Variants in IPCEF1 observed in about 807,000 individuals in gnomAD.
The protein encoded by IPCEF1 is interaction protein for cytohesin exchange factors 1.
IPCEF1 carries 31 observed loss-of-function variants against 50.9 expected under a neutral mutation model. The observed-to-expected ratio is 0.61, with a 90% CI of 0.46 to 0.82. The LOEUF (loss-of-function observed/expected upper bound fraction) is 0.82, where lower values mean the gene tolerates loss of function less well. IPCEF1 is among the 40% of genes least tolerant of loss of function. The pLI is 0.00. For missense variants in IPCEF1, 458 were observed against 514.0 expected, an observed-to-expected ratio of 0.89 and a Z score of 1.05; for synonymous variants, 181 against 192.0, an observed-to-expected ratio of 0.94 and a Z score of 0.47.
intron 10 of IPCEF1, among the ~76,000 whole-genome samples, chr6:154,195,713 T>C (rs986828750): frequency 1.3e-5 from 2 of 152,202 alleles, no homozygotes; most frequent in African/African-American, 4.8e-5. Context: ...TGCTTTCTTT[T>C]GTTAAATGTG....
chr6:154,307,029 G>A (rs977664282), intron 1 of IPCEF1, among the ~76,000 whole-genome samples: 1 of 152,136 alleles, frequency 6.6e-6, no homozygotes, highest in African/African-American at 2.4e-5. Flanking sequence ...TCTGAGGCCA[G>A]AGTCTGAGAT....
intron 1 of IPCEF1, among the ~76,000 whole-genome samples, chr6:154,338,323 G>A (rs765867908): frequency 1.3e-5 from 2 of 152,166 alleles, no homozygotes; most frequent in Non-Finnish European, 2.9e-5. Flanking sequence ...TTGACCTCAT[G>A]TACTCTAACC....
At chr6:154,229,517 T>C (rs1189542424) in intron 5 of IPCEF1, among the ~76,000 whole-genome samples, 1 of 149,042 alleles carries the variant, frequency 6.7e-6, no homozygotes, top group Non-Finnish European at 1.5e-5. Flanking sequence ...ACCCGGCTCA[T>C]TTTTTGTATT....
chr6:154,308,182 A>G (rs1388998658), intron 1 of IPCEF1, among the ~76,000 whole-genome samples: 2 of 152,208 alleles, frequency 1.3e-5, no homozygotes, highest in African/African-American at 4.8e-5. Context: ...TGGTGCAATC[A>G]TGGCTGGCTG....
chr6:154,344,326 T>G (rs1010811744), intron 1 of IPCEF1, among the ~76,000 whole-genome samples: 33 of 152,230 alleles, frequency 2.2e-4, no homozygotes, highest in Admixed American at 2.2e-3. Flanking sequence ...TCATGACTAC[T>G]TCACTGTCCT....
At chr6:154,223,267 T>C in intron 5 of IPCEF1, 24 bp from the exon 6 acceptor site, 1 of 1,556,984 alleles carries the variant, frequency 6.4e-7, no homozygotes, top group Non-Finnish European at 8.8e-7. Flanking sequence ...ATACCACAAA[T>C]AGGAATGAAT....
intron 10 of IPCEF1, among the ~76,000 whole-genome samples, chr6:154,196,196 G>A (rs756296666): frequency 2.6e-5 from 4 of 152,092 alleles, no homozygotes; most frequent in Non-Finnish European, 5.9e-5. Flanking sequence ...AAATTGAATG[G>A]AGTCCAGTTT....
chr6:154,313,662 T>A (rs1034859122), intron 1 of IPCEF1, among the ~76,000 whole-genome samples: 2 of 152,170 alleles, frequency 1.3e-5, no homozygotes, highest in African/African-American at 4.8e-5. Flanking sequence ...CAAAATGGTG[T>A]AGAATTGTAT....
chr6:154,239,707 G>A (rs1177444822), intron 5 of IPCEF1, among the ~76,000 whole-genome samples: 1 of 130,044 alleles, frequency 7.7e-6, no homozygotes, highest in Non-Finnish European at 1.8e-5. Context: ...CTTCACTGAA[G>A]AAACTTTTTT....
At chr6:154,161,103 A>T (rs1016234146) in intron 11 of IPCEF1, among the ~76,000 whole-genome samples, 2 of 152,156 alleles carry the variant, frequency 1.3e-5, no homozygotes, top group Non-Finnish European at 2.9e-5. Flanking sequence ...TTGTTGTGCC[A>T]CATGAAGAAT....
At chr6:154,343,968 G>A (rs963839139) in intron 1 of IPCEF1, among the ~76,000 whole-genome samples, 1 of 152,000 alleles carries the variant, frequency 6.6e-6, no homozygotes, top group Non-Finnish European at 1.5e-5. Flanking sequence ...AAGGCGCCCT[G>A]CATTTGCATA....
intron 1 of IPCEF1, among the ~76,000 whole-genome samples, chr6:154,294,450 T>C (rs941896006): frequency 1.4e-4 from 22 of 152,292 alleles, no homozygotes; most frequent in African/African-American, 4.6e-4. Context: ...CCCAGCACTT[T>C]AGGAGGTCAA....
chr6:154,304,889 A>G (rs760833135), intron 1 of IPCEF1, among the ~76,000 whole-genome samples: 17 of 152,176 alleles, frequency 1.1e-4, no homozygotes, highest in Non-Finnish European at 2.4e-4. Context: ...CGAGGTGGGC[A>G]GATCACCTGA....
chr6:154,356,112 C>T (rs958972074), intron 1 of IPCEF1, among the ~76,000 whole-genome samples: 1 of 152,182 alleles, frequency 6.6e-6, no homozygotes, highest in African/African-American at 2.4e-5. Flanking sequence ...TAATTAAATA[C>T]TTTCACATAT....
intron 1 of IPCEF1, among the ~76,000 whole-genome samples, chr6:154,347,229 T>C (rs1397526809): frequency 2.0e-5 from 3 of 152,122 alleles, no homozygotes; most frequent in Admixed American, 2.0e-4. Flanking sequence ...TCCTTTTCCT[T>C]ATATTATAGT....
chr6:154,230,600 A>G (rs1202774478), intron 5 of IPCEF1, among the ~76,000 whole-genome samples: 2 of 152,224 alleles, frequency 1.3e-5, no homozygotes, highest in Non-Finnish European at 2.9e-5. Flanking sequence ...TCCCGAGTCT[A>G]AATAGGTCAA....
intron 2 of IPCEF1, among the ~76,000 whole-genome samples, chr6:154,278,591 G>A (rs1782123999): frequency 6.6e-6 from 1 of 152,052 alleles, no homozygotes; most frequent in Admixed American, 6.6e-5. Context: ...TAAGTAAGAA[G>A]GTCCTTATTC....
intron 1 of IPCEF1, among the ~76,000 whole-genome samples, chr6:154,299,957 C>A (rs765675130): frequency 7.1e-6 from 1 of 140,116 alleles, no homozygotes; most frequent in African/African-American, 2.5e-5. Flanking sequence ...ATTCTGTGCC[C>A]GAATCATGTA....
At chr6:154,179,992 C>T (rs1800694349) in intron 10 of IPCEF1, among the ~76,000 whole-genome samples, 1 of 152,134 alleles carries the variant, frequency 6.6e-6, no homozygotes, top group African/African-American at 2.4e-5. Flanking sequence ...GTAGCAAGGC[C>T]AGCCTGTTAG....
Sources: allele counts gnomAD v4.1 joint callset (sites outside exome capture counted in the v4.1 genomes callset), GRCh38; gene constraint gnomAD v4.1.1; transcripts MANE v1.5; gene names NCBI Gene and HGNC (gene_info 2026-07-23, HGNC 2026-07-21).